ANO10: variants seen among roughly 807,000 people sequenced by gnomAD.
ANO10 encodes anoctamin-10.
In ANO10, 77 loss-of-function variants were observed where a neutral mutation model predicts 74.7. The observed-to-expected ratio is 1.03, with a 90% CI of 0.86 to 1.25. ANO10 has a LOEUF of 1.25. Ranked by LOEUF, ANO10 falls within the 50% of genes most tolerant of loss-of-function variation. The pLI, the probability that ANO10 is intolerant of heterozygous loss-of-function variation, is 0.00. For synonymous variants in ANO10, 279 were observed against 284.9 expected (o/e 0.98, Z 0.21); for missense variants, 721 against 778.1 (o/e 0.93, Z 0.87).
chr3:43,669,003 C>T (rs973278857), intron 1 of ANO10, among the ~76,000 whole-genome samples: 2 of 152,040 alleles, frequency 1.3e-5, no homozygotes, highest in South Asian at 2.1e-4. Context: ...TTGTAATGTA[C>T]ATTTATAACT....
intron 11 of ANO10, among the ~76,000 whole-genome samples, chr3:43,446,132 G>T (rs1002002862): frequency 3.3e-5 from 5 of 152,134 alleles, no homozygotes. Flanking sequence ...TCAGCTTCGG[G>T]GCCCAGGGTT....
At chr3:43,681,256 A>C (rs1485745064) in intron 1 of ANO10, among the ~76,000 whole-genome samples, 1 of 152,012 alleles carries the variant, frequency 6.6e-6, no homozygotes, top group Non-Finnish European at 1.5e-5. Flanking sequence ...AATGGAAAAC[A>C]AAAAAAGGCC....
chr3:43,567,264 A>G (rs1356331902), intron 7 of ANO10, among the ~76,000 whole-genome samples: 1 of 152,102 alleles, frequency 6.6e-6, no homozygotes, highest in Admixed American at 6.6e-5. Context: ...ACTCTGCAGG[A>G]TATTATCCAG....
At chr3:43,372,478 G>A (rs952954232) in intron 12 of ANO10, among the ~76,000 whole-genome samples, 1 of 152,116 alleles carries the variant, frequency 6.6e-6, no homozygotes, top group Non-Finnish European at 1.5e-5. Context: ...GTCCCCTGCT[G>A]CCCCGCAATC....
At chr3:43,671,817 C>A (rs2084062731) in intron 1 of ANO10, among the ~76,000 whole-genome samples, 2 of 152,122 alleles carry the variant, frequency 1.3e-5, no homozygotes, top group South Asian at 4.1e-4. Flanking sequence ...ATTTCCCCCA[C>A]CTGCAGCATA....
chr3:43,559,275 A>G (rs887132297), intron 9 of ANO10, among the ~76,000 whole-genome samples: 3 of 152,204 alleles, frequency 2.0e-5, no homozygotes, highest in African/African-American at 4.8e-5. Flanking sequence ...GGACTGTACT[A>G]AAAACCATTC....
intron 1 of ANO10, among the ~76,000 whole-genome samples, chr3:43,662,051 C>T (rs923689085): frequency 4.1e-4 from 62 of 152,088 alleles, no homozygotes; most frequent in African/African-American, 2.4e-4. Context: ...CTGCACCAAG[C>T]GGACCTAATA....
At chr3:43,521,934 T>C (rs183811406) in intron 11 of ANO10, among the ~76,000 whole-genome samples, 2 of 152,330 alleles carry the variant, frequency 1.3e-5, no homozygotes, top group African/African-American at 2.4e-5. Context: ...ATTCAGTATA[T>C]GCATACAATG....
At chr3:43,458,973 C>T (rs913783695) in intron 11 of ANO10, among the ~76,000 whole-genome samples, 1 of 152,132 alleles carries the variant, frequency 6.6e-6, no homozygotes, top group Non-Finnish European at 1.5e-5. Flanking sequence ...TTATACGCCA[C>T]GAGCTTCCAA....
At chr3:43,518,291 G>A (rs749315681) in intron 11 of ANO10, among the ~76,000 whole-genome samples, 14 of 152,120 alleles carry the variant, frequency 9.2e-5, no homozygotes, top group African/African-American at 1.7e-4. Flanking sequence ...GAGATTTCAT[G>A]GACATTTATC....
At chr3:43,552,729 T>C (rs1245384764) in intron 10 of ANO10, among the ~76,000 whole-genome samples, 1 of 105,998 alleles carries the variant, frequency 9.4e-6, no homozygotes, top group Non-Finnish European at 2.0e-5. Context: ...TATATATATA[T>C]GTATGTATGT....
intron 12 of ANO10, among the ~76,000 whole-genome samples, chr3:43,389,844 C>T (rs112989077): frequency 2.6e-5 from 4 of 152,266 alleles, no homozygotes; most frequent in East Asian, 3.9e-4. Flanking sequence ...CACTCCTATG[C>T]GTGTTCCGGG....
At chr3:43,614,985 T>A (rs2083026104) in intron 1 of ANO10, among the ~76,000 whole-genome samples, 1 of 151,140 alleles carries the variant, frequency 6.6e-6, no homozygotes, top group South Asian at 2.1e-4. Flanking sequence ...CCATTAATAC[T>A]GAGATACAGA....
At chr3:43,556,243 C>T (rs1355481168) in intron 9 of ANO10, among the ~76,000 whole-genome samples, 1 of 152,146 alleles carries the variant, frequency 6.6e-6, no homozygotes, top group African/African-American at 2.4e-5. Context: ...CACATTCAGT[C>T]TTAAGAAATC....
chr3:43,609,572 T>C (rs1203140689), intron 1 of ANO10, among the ~76,000 whole-genome samples: 33 of 152,172 alleles, frequency 2.2e-4, no homozygotes, highest in Admixed American at 2.2e-3. Context: ...ACAAAGACAG[T>C]TCTGAGAAAT....
chr3:43,611,326 T>G (rs2082810253), intron 1 of ANO10, among the ~76,000 whole-genome samples: 1 of 152,218 alleles, frequency 6.6e-6, no homozygotes. Flanking sequence ...AATACCTGCC[T>G]TGAACAGTTA....
chr3:43,536,894 T>C (rs1298344296), intron 11 of ANO10, among the ~76,000 whole-genome samples: 2 of 146,296 alleles, frequency 1.4e-5, no homozygotes, highest in South Asian at 2.1e-4. Flanking sequence ...TTAACTTAAA[T>C]AGAAAATCAC....
chr3:43,379,111 C>T (rs1483766240), intron 12 of ANO10, among the ~76,000 whole-genome samples: 2 of 152,152 alleles, frequency 1.3e-5, no homozygotes, highest in Admixed American at 1.3e-4. Context: ...GCACACACGG[C>T]AGCCAGTCAA....
At position 43,684,920 on chromosome 3, in the gene ANO10, G is replaced by A. The variant is rs569708341; in HGVS notation, c.-12+6597C>T. 3.9e-5 allele frequency among the ~76,000 whole-genome samples: 6 copies of A among 152,236 alleles called. No individual in the cohort carries two copies. The East Asian group carries it at 7.7e-4, about 20-fold the overall frequency. On this transcript the variant is annotated intron_variant, in intron 1 of 3. Coordinates refer to the ANO10 transcript ENST00000413397. ...TGCAGGAAGGGGAACATCACACACC[G>A]GGGCCTGTTGTGGGGTCGGGGGCAT...
Sources: allele counts gnomAD v4.1 joint callset (sites outside exome capture counted in the v4.1 genomes callset), GRCh38; gene constraint gnomAD v4.1.1; transcripts MANE v1.5; gene names NCBI Gene and HGNC (gene_info 2026-07-23, HGNC 2026-07-21).